The following RCAN2 variants were observed in gnomAD, a reference collection of about 807,000 sequenced individuals.
The protein encoded by RCAN2 is calcipressin-2.
A neutral mutation model predicts 23.6 loss-of-function variants in RCAN2; 9 were observed. The ratio of observed to expected loss-of-function variants is 0.38; its 90% CI spans 0.23 to 0.67. The LOEUF (loss-of-function observed/expected upper bound fraction) is 0.67, where lower values mean the gene tolerates loss of function less well. Ranked by LOEUF, RCAN2 falls within the 30% of genes least tolerant of loss-of-function variation. The pLI is 0.51. For synonymous variants in RCAN2, 109 were observed against 115.7 expected (o/e 0.94, Z 0.37); for missense variants, 273 against 302.3 (o/e 0.90, Z 0.72).
At chr6:46,423,987 T>C (rs529948296) in intron 2 of RCAN2, among the ~76,000 whole-genome samples, 37 of 152,240 alleles carry the variant, frequency 2.4e-4, no homozygotes, top group Middle Eastern at 3.4e-3. Context: ...ACGCAGCCAA[T>C]AAGTGTGGCA....
At chr6:46,344,626 T>C (rs1764428644) in intron 2 of RCAN2, among the ~76,000 whole-genome samples, 1 of 152,060 alleles carries the variant, frequency 6.6e-6, no homozygotes, top group East Asian at 1.9e-4. Flanking sequence ...AGTAATGTAA[T>C]ATTAGTTTAA....
chr6:46,460,110 T>G (rs1304878748), intron 1 of RCAN2, among the ~76,000 whole-genome samples: 1 of 151,896 alleles, frequency 6.6e-6, no homozygotes, highest in Non-Finnish European at 1.5e-5. Context: ...CAAGCTGGAG[T>G]GCAGTAGCAC....
intron 2 of RCAN2, among the ~76,000 whole-genome samples, chr6:46,403,622 T>G (rs1034256895): frequency 4.6e-5 from 7 of 151,912 alleles, no homozygotes; most frequent in Non-Finnish European, 7.4e-5. Flanking sequence ...TAGTTGATTC[T>G]TGATCCTGGA....
At chr6:46,348,488 C>T (rs1307071892) in intron 2 of RCAN2, among the ~76,000 whole-genome samples, 4 of 152,144 alleles carry the variant, frequency 2.6e-5, no homozygotes, top group African/African-American at 4.8e-5. Context: ...GGGCCCCACT[C>T]CCTGCCCAAT....
chr6:46,478,198 T>A (rs760529324), intron 1 of RCAN2, among the ~76,000 whole-genome samples: 27 of 152,272 alleles, frequency 1.8e-4, no homozygotes, highest in Non-Finnish European at 3.7e-4. Flanking sequence ...GGTCAAAATG[T>A]TACTAAGGGA....
chr6:46,337,368 CAGAAATCTGT>C (rs1434696463), intron 2 of RCAN2, among the ~76,000 whole-genome samples: 2 of 152,190 alleles, frequency 1.3e-5, no homozygotes, highest in African/African-American at 4.8e-5. Context: ...AAAAGCAACA[CAGAAATCTGT>C]GAATTGTGGT....
chr6:46,479,326 T>G (rs1397321430), intron 1 of RCAN2, among the ~76,000 whole-genome samples: 1 of 152,196 alleles, frequency 6.6e-6, no homozygotes, highest in Non-Finnish European at 1.5e-5. Flanking sequence ...GATACTTAAA[T>G]ACATACAAAC....
intron 2 of RCAN2, among the ~76,000 whole-genome samples, chr6:46,283,891 T>G (rs1762284916): frequency 6.6e-6 from 1 of 152,218 alleles, no homozygotes; most frequent in Non-Finnish European, 1.5e-5. Flanking sequence ...AATTTTTAAG[T>G]ACTGAGCAAA....
intron 2 of RCAN2, among the ~76,000 whole-genome samples, chr6:46,299,512 C>A (rs1294157051): frequency 6.6e-6 from 1 of 152,010 alleles, no homozygotes; most frequent in Non-Finnish European, 1.5e-5. Flanking sequence ...CCACTACCAT[C>A]CTGTCCTGAG....
At chr6:46,339,983 T>A (rs1764257321) in intron 2 of RCAN2, among the ~76,000 whole-genome samples, 1 of 152,022 alleles carries the variant, frequency 6.6e-6, no homozygotes, top group East Asian at 1.9e-4. Context: ...CCCCACTAGA[T>A]GGTATAAATA....
intron 2 of RCAN2, among the ~76,000 whole-genome samples, chr6:46,451,934 A>G (rs1242684432): frequency 1.3e-5 from 2 of 152,104 alleles, no homozygotes; most frequent in African/African-American, 4.8e-5. Flanking sequence ...TGATGTGTGT[A>G]TGTCTGTCTG....
intron 2 of RCAN2, among the ~76,000 whole-genome samples, chr6:46,252,707 T>C (rs1766775059): frequency 6.6e-6 from 1 of 152,210 alleles, no homozygotes; most frequent in African/African-American, 2.4e-5. Flanking sequence ...ATTGACATTG[T>C]TTTACATTTT....
chr6:46,380,973 C>T, intron 2 of RCAN2, among the ~76,000 whole-genome samples: 1 of 152,114 alleles, frequency 6.6e-6, no homozygotes, highest in East Asian at 1.9e-4. Flanking sequence ...ATGTAAAATG[C>T]TACATCTGTG....
chr6:46,374,113 C>T (rs1765398730), intron 2 of RCAN2, among the ~76,000 whole-genome samples: 1 of 152,190 alleles, frequency 6.6e-6, no homozygotes. Context: ...CTTGATTTCT[C>T]CATGGTATAG....
At chr6:46,453,110 A>G (rs1230802644) in intron 2 of RCAN2, among the ~76,000 whole-genome samples, 1 of 152,128 alleles carries the variant, frequency 6.6e-6, no homozygotes, top group Non-Finnish European at 1.5e-5. Flanking sequence ...CAACCTTCCT[A>G]GCCTCACCTT....
At chr6:46,474,818 G>T (rs187651153) in intron 1 of RCAN2, among the ~76,000 whole-genome samples, 1 of 152,190 alleles carries the variant, frequency 6.6e-6, no homozygotes, top group Non-Finnish European at 1.5e-5. Context: ...ACAATTGGGG[G>T]TGAGTAGCTG....
intron 2 of RCAN2, among the ~76,000 whole-genome samples, chr6:46,390,381 C>G (rs748768810): frequency 6.6e-6 from 1 of 152,214 alleles, no homozygotes; most frequent in Non-Finnish European, 1.5e-5. Flanking sequence ...ATTGTTCTCA[C>G]TGCATTTGTG....
intron 2 of RCAN2, among the ~76,000 whole-genome samples, chr6:46,446,172 A>G (rs901166856): frequency 2.0e-5 from 3 of 151,984 alleles, no homozygotes; most frequent in Non-Finnish European, 4.4e-5. Context: ...AAGAAAAAAA[A>G]AAAAAGAAAC....
chr6:46,413,840 G>A (rs1007797557), intron 2 of RCAN2, among the ~76,000 whole-genome samples: 1 of 152,206 alleles, frequency 6.6e-6, no homozygotes, highest in Non-Finnish European at 1.5e-5. Flanking sequence ...CCTTGAATGA[G>A]AGAAGTGCTA....
Sources: gnomAD v4.1 joint callset for allele counts (sites outside exome capture counted in the v4.1 genomes callset) on GRCh38, gnomAD v4.1.1 for gene constraint, MANE v1.5 for transcripts, NCBI Gene and HGNC (gene_info 2026-07-23, HGNC 2026-07-21) for gene names.